Variants in RILPL1 observed in about 807,000 individuals in gnomAD.
RILPL1 encodes the protein Rab interacting lysosomal protein like 1, also known as RILP-like protein 1.
A neutral mutation model predicts 50.3 loss-of-function variants in RILPL1; 33 were observed. That is an observed-to-expected ratio of 0.66 (90% CI 0.50 to 0.88). The LOEUF is 0.88. Among genes scored for constraint, RILPL1 ranks in the 40% least tolerant of loss-of-function variants. The pLI is 0.00. For synonymous variants in RILPL1, 205 were observed against 228.6 expected (o/e 0.90, Z 0.93); for missense variants, 418 against 542.5 (o/e 0.77, Z 2.28).
chr12:123,483,721 C>T (rs1023856525), intron 6 of RILPL1, among the ~76,000 whole-genome samples: 3 of 152,128 alleles, frequency 2.0e-5, no homozygotes, highest in Admixed American at 2.0e-4. Flanking sequence ...TATGCAGTAA[C>T]CCCTGCTTAA....
At chr12:123,510,860 G>A (rs1165257721) in intron 2 of RILPL1, among the ~76,000 whole-genome samples, 6 of 147,288 alleles carry the variant, frequency 4.1e-5, no homozygotes, top group African/African-American at 1.5e-4. Flanking sequence ...TGTGTGGTGT[G>A]TGAGGTCTGT....
At chr12:123,516,066 C>CGAGAT (rs1884679057) in intron 2 of RILPL1, among the ~76,000 whole-genome samples, 1 of 118,306 alleles carries the variant, frequency 8.5e-6, no homozygotes, top group Non-Finnish European at 1.9e-5. Flanking sequence ...AAAAATGCCC[C>CGAGAT]GAGATGATTG....
At chr12:123,507,150 G>C (rs1359617340) in intron 2 of RILPL1, among the ~76,000 whole-genome samples, 1 of 152,214 alleles carries the variant, frequency 6.6e-6, no homozygotes, top group African/African-American at 2.4e-5. Flanking sequence ...ACCTGCTAAA[G>C]CTCACACACG....
At chr12:123,516,378 T>A (rs1400325839) in intron 2 of RILPL1, among the ~76,000 whole-genome samples, 1 of 152,250 alleles carries the variant, frequency 6.6e-6, no homozygotes, top group African/African-American at 2.4e-5. Flanking sequence ...GTAACTTACA[T>A]TCCAGACTCC....
intron 2 of RILPL1, chr12:123,518,412 TG>T: frequency 5.5e-6 from 2 of 366,328 alleles, no homozygotes; most frequent in Non-Finnish European, 1.1e-5. Flanking sequence ...AAGACTGAGG[TG>T]GGAGAATCTT....
chr12:123,494,625 C>T (rs1280485731), intron 4 of RILPL1, among the ~76,000 whole-genome samples: 1 of 152,100 alleles, frequency 6.6e-6, no homozygotes, highest in African/African-American at 2.4e-5. Context: ...TTGGAAGGGG[C>T]ACACTAGGAG....
At chr12:123,499,142 G>A (rs1883207685) in intron 3 of RILPL1, among the ~76,000 whole-genome samples, 1 of 152,208 alleles carries the variant, frequency 6.6e-6, no homozygotes, top group Non-Finnish European at 1.5e-5. Context: ...GCTGGAGGAG[G>A]CCTTGGGGTC....
Position 123,472,599 on chromosome 12 carries a change from G to C in RILPL1, c.1151C>G (p.Ala384Gly), listed in dbSNP as rs747653126. The change falls in exon 7 of 7, where the codon GCA (alanine) becomes GGA (glycine). Residue 384 changes from alanine to glycine, a missense_variant. Physicochemically the swap from Ala to Gly is moderately conservative, Grantham distance 60. Transcript: ENST00000376874. ...GTAACCGTCATCGCGGTGGGTGTTT[G>C]CCCACTGTCCAAAGGACTCCTGGAT... ...VHIQESFGQWANTHRDDGYTE... is the reference protein window; with the variant it reads ...VHIQESFGQWGNTHRDDGYTE... 6.4e-7 allele frequency: 1 copy of C among 1,571,364 alleles called. No homozygotes were observed. Among genetic ancestry groups the C allele is most frequent in the Non-Finnish European group, 8.6e-7 (1 of 1,157,854 alleles).
At chr12:123,496,540 T>C (rs1883045576) in intron 4 of RILPL1, among the ~76,000 whole-genome samples, 2 of 152,202 alleles carry the variant, frequency 1.3e-5, no homozygotes, top group Admixed American at 1.3e-4. Flanking sequence ...AAACATCTGC[T>C]GGGAGAAAAC....
intron 6 of RILPL1, chr12:123,475,444 C>T (rs763064666): frequency 1.4e-5 from 8 of 565,086 alleles, no homozygotes; most frequent in East Asian, 2.9e-5. Context: ...AAAGAATTAT[C>T]GGTGACAGAG....
chr12:123,525,129 C>T (rs550994698), intron 1 of RILPL1, among the ~76,000 whole-genome samples: 1 of 151,824 alleles, frequency 6.6e-6, no homozygotes, highest in South Asian at 2.1e-4. Flanking sequence ...GAGACTCTGT[C>T]TTGGAAAAAA....
intron 6 of RILPL1, chr12:123,475,579 G>A (rs1215496585): frequency 2.3e-6 from 2 of 855,478 alleles, no homozygotes; most frequent in Non-Finnish European, 1.9e-6. Flanking sequence ...TGGCCAGGGG[G>A]AGACAGGTCA....
At chr12:123,517,104 CA>C (rs1340962969) in intron 2 of RILPL1, among the ~76,000 whole-genome samples, 1 of 152,014 alleles carries the variant, frequency 6.6e-6, no homozygotes, top group East Asian at 1.9e-4. Context: ...CATTAAACAA[CA>C]AAAGATAAAG....
In RILPL1 at chr12:123,522,854, A is replaced by G. The variant is rs1885115510; in HGVS notation, c.460+641T>C. Reference sequence around the variant, plus strand: ...GTGATCTTCCTGCTTCAGCCTCCCAAAGTGCTGGGATCACAGGTGTGAGCC... The same window carrying G: ...GTGATCTTCCTGCTTCAGCCTCCCAGAGTGCTGGGATCACAGGTGTGAGCC... On this transcript the variant is annotated intron_variant, in intron 2 of 6. Coordinates refer to ENST00000376874, the MANE Select transcript of RILPL1 (RefSeq NM_178314.5). This position sits in a 1 kb window ranked among gnomAD's most constrained non-coding sequence, Gnocchi z 4.0. 6.6e-6 allele frequency among the ~76,000 whole-genome samples: 1 copy of G among 151,980 alleles called. No homozygotes were observed. Among genetic ancestry groups the G allele is most frequent in the Admixed American group, 6.6e-5 (1 of 15,248 alleles).
chr12:123,516,447 G>A (rs138927737), intron 2 of RILPL1, among the ~76,000 whole-genome samples: 171 of 152,326 alleles, frequency 1.1e-3, no homozygotes, highest in African/African-American at 3.9e-3. Context: ...GCCCTCTGCC[G>A]GACCCTGCTG....
chr12:123,533,390 C>T lies in RILPL1; in HGVS notation c.93G>A (p.Ala31=). ...ELTVMDVYDI[A]SLVGHEFERV... is the part of the protein sequence containing the mutation. ...GCTCGAACTCGTGGCCCACAAGCGA[C>T]GCGATGTCGTACACGTCCATGACGG... The change falls in exon 1 of 7, where the codon GCG becomes GCA. Residue 31 remains alanine, a synonymous_variant. Coordinates refer to ENST00000376874, the MANE Select transcript of RILPL1 (RefSeq NM_178314.5). The surrounding 1 kb of genome is among the most constrained non-coding windows in gnomAD (Gnocchi z 6.2). The T allele has an allele frequency of 9.0e-6, 14 of 1,559,644 alleles. No homozygotes were observed. The highest frequency in any genetic ancestry group is 1.1e-5 in the Non-Finnish European group (13 of 1,153,448).
At chr12:123,499,645 CTCCCCAGCCTCA>C (rs1883247986) in intron 2 of RILPL1, 109 bp from the exon 3 acceptor site, 1 of 776,778 alleles carries the variant, frequency 1.3e-6, no homozygotes, top group South Asian at 1.6e-5. Flanking sequence ...CCCCGGCCTC[CTCCCCAGCCTCA>C]TCCTCTCCAC....
chr12:123,495,800 C>T (rs551858886), intron 4 of RILPL1, among the ~76,000 whole-genome samples: 34 of 151,104 alleles, frequency 2.3e-4, no homozygotes, highest in African/African-American at 8.3e-4. Flanking sequence ...TCTGCCTCAG[C>T]CTCCCGAGTA....
intron 4 of RILPL1, among the ~76,000 whole-genome samples, chr12:123,490,685 G>C (rs1566120181): frequency 6.6e-6 from 1 of 151,756 alleles, no homozygotes; most frequent in Non-Finnish European, 1.5e-5. Flanking sequence ...CAATCCTCCT[G>C]GCTCAGCCTC....
Sources: allele counts gnomAD v4.1 joint callset (sites outside exome capture counted in the v4.1 genomes callset), GRCh38; gene constraint gnomAD v4.1.1; non-coding constraint Gnocchi (gnomAD v3.1); transcripts MANE v1.5; gene names NCBI Gene and HGNC (gene_info 2026-07-23, HGNC 2026-07-21).